SRP54: variants seen among roughly 807,000 people sequenced by gnomAD.
The protein encoded by SRP54 is signal recognition particle subunit SRP54.
In SRP54, 10 loss-of-function variants were observed where a neutral mutation model predicts 64.8. That is an observed-to-expected ratio of 0.15 (90% CI 0.10 to 0.26). The LOEUF (loss-of-function observed/expected upper bound fraction) is 0.26, where lower values mean the gene tolerates loss of function less well. Among genes scored for constraint, SRP54 ranks in the 10% least tolerant of loss-of-function variants. The probability of loss-of-function intolerance (pLI) is 1.00; values close to 1 mark genes in which losing one functional copy is unlikely to be tolerated. For synonymous variants in SRP54, 193 were observed against 185.6 expected (o/e 1.04, Z -0.32); for missense variants, 325 against 613.7 (o/e 0.53, Z 4.97).
At chr14:35,008,181 A>G (rs957087195) in intron 5 of SRP54, among the ~76,000 whole-genome samples, 1 of 152,172 alleles carries the variant, frequency 6.6e-6, no homozygotes, top group Non-Finnish European at 1.5e-5. Context: ...GCACGCAAAC[A>G]TAGCTTACTG....
intron 15 of SRP54, among the ~76,000 whole-genome samples, chr14:35,028,790 A>T (rs151240313): frequency 1.3e-5 from 2 of 152,172 alleles, no homozygotes; most frequent in African/African-American, 4.8e-5. Context: ...TTTATTGACT[A>T]TGTGACCGGT....
At chr14:34,994,184 A>G (rs2044028920) in intron 1 of SRP54, among the ~76,000 whole-genome samples, 1 of 150,752 alleles carries the variant, frequency 6.6e-6, no homozygotes, top group Non-Finnish European at 1.5e-5. Context: ...TTTTTAGTAG[A>G]GATAGGGTTT....
At position 35,007,748 on chromosome 14, in the gene SRP54, CATAAAATAGATTTTATTAAAATAT is replaced by C. The variant is rs2044288770; in HGVS notation, c.360+364_360+387del. The stretch of plus-strand genomic sequence containing the variant: ...AATAGATTTTATTAAAATATATTTA[CATAAAATAGATTTTATTAAAATAT>C]ATTTACATTAAAATATATTAATAAC... On this transcript the variant is annotated intron_variant, in intron 5 of 15. Transcript: ENST00000216774. 1.4e-4 allele frequency among the ~76,000 whole-genome samples: 20 copies of C among 144,126 alleles called. 2 individuals carry two copies. The highest frequency in any genetic ancestry group is 4.7e-4 in the African/African-American group (19 of 40,018). 94.6% of individuals were successfully genotyped at this position (144,126 alleles called of 152,430 possible).
chr14:35,019,182 ATTATTT>A (rs1354315448), intron 13 of SRP54, 108 bp downstream of exon 13: 1 of 737,838 alleles, frequency 1.4e-6, no homozygotes, highest in East Asian at 2.8e-5. Flanking sequence ...AGCCTGAAAG[ATTATTT>A]TTAGGTAGAT....
At chr14:35,001,217 C>T (rs1211137205) in intron 4 of SRP54, among the ~76,000 whole-genome samples, 197 bp downstream of exon 4, 1 of 129,720 alleles carries the variant, frequency 7.7e-6, no homozygotes, top group Non-Finnish European at 1.6e-5. Flanking sequence ...CTCTTGTTGC[C>T]CAGGCTGGAG....
intron 14 of SRP54, among the ~76,000 whole-genome samples, chr14:35,024,749 C>T (rs1006107482): frequency 6.6e-6 from 1 of 151,196 alleles, no homozygotes; most frequent in East Asian, 1.9e-4. Context: ...TTTTTTGAGA[C>T]AGAGTCTTGC....
At chr14:35,004,755 G>C (rs1302004369) in intron 4 of SRP54, 1 of 152,214 alleles carries the variant, frequency 6.6e-6, no homozygotes, top group Non-Finnish European at 1.5e-5. Flanking sequence ...ATGTGGAGCA[G>C]CATCAGTGTA....
intron 13 of SRP54, 75 bp downstream of exon 13, chr14:35,019,149 G>T (rs185250372): frequency 2.9e-6 from 3 of 1,038,356 alleles, no homozygotes; most frequent in Middle Eastern, 2.5e-4. Context: ...CTGTATTCTT[G>T]TGGACAAGAT....
At chr14:35,019,820 C>G (rs1217183814) in intron 13 of SRP54, among the ~76,000 whole-genome samples, 1 of 152,146 alleles carries the variant, frequency 6.6e-6, no homozygotes, top group Non-Finnish European at 1.5e-5. Context: ...AATACATATA[C>G]TGTAGTCTAT....
At chr14:35,024,131 A>T (rs2139026317) in intron 14 of SRP54, among the ~76,000 whole-genome samples, 1 of 152,092 alleles carries the variant, frequency 6.6e-6, no homozygotes, top group East Asian at 1.9e-4. Context: ...AGGCTCAAAC[A>T]ATTCTCCTGC....
In SRP54 at chr14:35,019,091, T is replaced by A. The variant is rs756775106; in HGVS notation, c.1156+17T>A. On this transcript the variant is annotated intron_variant, in intron 13 of 15. Coordinates refer to ENST00000216774, the MANE Select transcript of SRP54 (RefSeq NM_003136.4). ...ATGATCAAGGTAAGATGGCAGATTA[T>A]TTTCCTCAGGCAAAAATGTTCTGAG... 6.3e-7 allele frequency: 1 copy of A among 1,579,514 alleles called. No homozygotes were observed. The highest frequency in any genetic ancestry group is 1.1e-5 in the South Asian group (1 of 89,744).
intron 14 of SRP54, among the ~76,000 whole-genome samples, chr14:35,025,041 T>C (rs920260148): frequency 1.3e-5 from 2 of 152,124 alleles, no homozygotes; most frequent in Non-Finnish European, 2.9e-5. Context: ...CTTCTACTTG[T>C]TTTTGTTTTT....
chr14:34,999,476 A>C, intron 2 of SRP54, 82 bp from the exon 3 acceptor site: 1 of 955,454 alleles, frequency 1.0e-6, no homozygotes, highest in South Asian at 1.4e-5. Context: ...AGCTGTGGTT[A>C]TGTAAGTGAT....
rs2044200849 is a variant in SRP54, at chr14:35,002,939, T to G, written c.255+1919T>G. 3.3e-5 allele frequency among the ~76,000 whole-genome samples: 5 copies of G among 151,440 alleles called. No homozygotes were observed. The South Asian group carries it at 1.0e-3, about 32-fold the overall frequency. On this transcript the variant is annotated intron_variant, in intron 4 of 15. Transcript: ENST00000216774. ...TTTTGCATTTTTTGTAGAGACAAGG[T>G]TTTGCCATGTTGCCCTAGCTGGTCT...
rs1446703391 is a variant in SRP54 at position 35,011,502 on chromosome 14, T to C, written c.486-7T>C. 2.6e-5 allele frequency: 38 copies of C among 1,465,848 alleles called. No homozygotes were observed. The highest frequency in any genetic ancestry group is 3.5e-5 in the Non-Finnish European group (38 of 1,095,642). 90.8% of individuals were successfully genotyped at this position (1,465,848 alleles called of 1,614,324 possible). On this transcript the variant is annotated splice_polypyrimidine_tract_variant and splice_region_variant and intron_variant, in intron 7 of 15. Coordinates refer to ENST00000216774, the MANE Select transcript of SRP54 (RefSeq NM_003136.4). ...GTTTTGTTAAATCATTTGTCCATGT[T>C]ATATAGCTATACAGAAATGGATCCT...
intron 1 of SRP54, among the ~76,000 whole-genome samples, chr14:34,996,064 C>CAA (rs201959550): frequency 0.017 from 1,989 of 119,474 alleles, 22 homozygotes; most frequent in Middle Eastern, 0.066. Flanking sequence ...GACCCTGTCT[C>CAA]AAAAAAAAAA....
chr14:34,984,388 T>A (rs2043860358), intron 1 of SRP54, among the ~76,000 whole-genome samples: 1 of 152,222 alleles, frequency 6.6e-6, no homozygotes, highest in African/African-American at 2.4e-5. Flanking sequence ...TAGTTGGCCC[T>A]CAGTCATTGC....
chr14:35,018,791 C>G, intron 12 of SRP54, 26 bp downstream of exon 12: 1 of 1,580,704 alleles, frequency 6.3e-7, no homozygotes, highest in Non-Finnish European at 8.6e-7. Flanking sequence ...AACTTTATAC[C>G]TTCTTTTGTT....
intron 3 of SRP54, 151 bp downstream of exon 3, chr14:34,999,800 G>A: frequency 3.6e-6 from 2 of 554,742 alleles, no homozygotes; most frequent in South Asian, 2.4e-5. Flanking sequence ...TTGGGCGAGA[G>A]CATGTGTAGT....
Sources: gnomAD v4.1 joint callset for allele counts (sites outside exome capture counted in the v4.1 genomes callset) on GRCh38, gnomAD v4.1.1 for gene constraint, MANE v1.5 for transcripts, NCBI Gene and HGNC (gene_info 2026-07-23, HGNC 2026-07-21) for gene names.